NEK9: variants seen among roughly 807,000 people sequenced by gnomAD.
NEK9 encodes the protein serine/threonine-protein kinase Nek9.
In NEK9, 75 loss-of-function variants were observed where a neutral mutation model predicts 123.4. The observed-to-expected ratio is 0.61, with a 90% CI of 0.50 to 0.74. NEK9 has a LOEUF of 0.74. Among genes scored for constraint, NEK9 ranks in the 30% least tolerant of loss-of-function variants. The pLI is 0.00. For missense variants in NEK9, 952 were observed against 1,214.4 expected, an observed-to-expected ratio of 0.78 and a Z score of 3.21; for synonymous variants, 438 against 458.7, an observed-to-expected ratio of 0.95 and a Z score of 0.58.
intron 12 of NEK9, 41 bp from the exon 13 acceptor site, chr14:75,106,037 T>C: frequency 1.3e-6 from 2 of 1,560,436 alleles, no homozygotes; most frequent in Non-Finnish European, 1.8e-6. Flanking sequence ...TAATGAGGGC[T>C]TCCTTCCCAG....
intron 18 of NEK9, among the ~76,000 whole-genome samples, chr14:75,092,846 T>C (rs1474355679): frequency 6.6e-6 from 1 of 152,172 alleles, no homozygotes; most frequent in Non-Finnish European, 1.5e-5. Flanking sequence ...TGCCTGGTAT[T>C]TTCTGAGGCT....
chr14:75,091,719 CTTTG>C lies in NEK9; in HGVS notation c.2234-245_2234-242del, dbSNP rs543452490. 5.4e-4 allele frequency: 218 copies of C among 405,224 alleles called. 4 individuals are homozygous for C. The South Asian group carries it at 0.01, about 19-fold the overall frequency. 25.1% of individuals were successfully genotyped at this position (405,224 alleles called of 1,614,324 possible). ...ATGATAATTCACTTCCATTTACCAA[CTTTG>C]TTTATCTTGTATCCATAGCAGGTTA... On this transcript the variant is annotated intron_variant, in intron 18 of 21. Coordinates refer to ENST00000238616, the MANE Select transcript of NEK9 (RefSeq NM_033116.6).
chr14:75,101,758 T>A lies in NEK9; in HGVS notation c.1739A>T (p.His580Leu), dbSNP rs140694625. The change falls in exon 15 of 22, where the codon CAT (histidine) becomes CTT (leucine). Residue 580 changes from histidine (H) to leucine (L), a missense_variant. His to Leu is a moderately conservative substitution (Grantham distance 99). Around this residue, in one of 4 missense-constraint regions of NEK9, gnomAD observed 698 missense variants for 875.6 expected, o/e 0.80. Coordinates refer to ENST00000238616, the MANE Select transcript of NEK9 (RefSeq NM_033116.6). ...MSGIINHEAY[H>L]EVPYTTSFTL... The stretch of plus-strand genomic sequence containing the variant: ...AAAGGACGTTGTGTAGGGAACTTCA[T>A]GGTATGCCTGAAACAAAATAAAACA... The A allele has an allele frequency of 3.7e-5, 60 of 1,608,920 alleles. No homozygotes were observed. The Admixed American group carries it at 6.0e-4, about 16-fold the overall frequency.
At chr14:75,094,349 G>C (rs1156716679) in intron 18 of NEK9, among the ~76,000 whole-genome samples, 1 of 152,182 alleles carries the variant, frequency 6.6e-6, no homozygotes, top group African/African-American at 2.4e-5. Flanking sequence ...GCTATTCATA[G>C]GCATGATGAT....
In NEK9 at chr14:75,081,411, G is replaced by C. The variant is rs1365513078; in HGVS notation, c.*3153C>G. On this transcript the variant is annotated 3_prime_UTR_variant, in exon 22 of 22. Transcript: ENST00000238616. The surrounding 1 kb of genome is among the most constrained non-coding windows in gnomAD (Gnocchi z 4.2). ...TGTTCATCATTCTGTGAGGTTTAAT[G>C]ATCAGCGTGTTTATTTCCACAGTTA... 1 of 152,192 alleles carries C rather than the reference G, an allele frequency of 6.6e-6. No individual in the cohort carries two copies. Among genetic ancestry groups the C allele is most frequent in the Admixed American group, 6.5e-5 (1 of 15,286 alleles). 9.4% of individuals were successfully genotyped at this position (152,192 alleles called of 1,614,324 possible). A position where few individuals can be genotyped will look rare whatever the true frequency, so the allele number is the denominator to read the frequency against.
chr14:75,092,324 T>C (rs942191064), intron 18 of NEK9, among the ~76,000 whole-genome samples: 1 of 149,602 alleles, frequency 6.7e-6, no homozygotes, highest in African/African-American at 2.5e-5. Context: ...TAGAGTGCAG[T>C]GGCACGATCT....
intron 16 of NEK9, among the ~76,000 whole-genome samples, chr14:75,100,086 G>A (rs770406270): frequency 1.6e-5 from 2 of 121,834 alleles, no homozygotes; most frequent in Admixed American, 1.1e-4. Flanking sequence ...CCAAGATCGC[G>A]CCATTGTACT....
rs199634526 is a variant in NEK9 at position 75,084,626 on chromosome 14, G to C, written c.2878C>G (p.Pro960Ala). ...CACCAGGAATCTGAATCTAAGTCAG[G>C]CTTTGGATCCATTTCCATCTCTTCC... ...AKEEMEMDPKPDLDSDSWCLL... is the reference protein window; with the variant it reads ...AKEEMEMDPKADLDSDSWCLL... Residue 960 changes from proline (P) to alanine (A), a missense_variant, in exon 22 of 22, where the codon CCT becomes GCT. Transcript: ENST00000238616. 12 of 1,614,164 alleles carry C rather than the reference G, an allele frequency of 7.4e-6. No individual in the cohort carries two copies. The highest frequency in any genetic ancestry group is 1.3e-5 in the African/African-American group (1 of 75,054).
intron 10 of NEK9, 61 bp downstream of exon 10, chr14:75,109,624 C>T (rs1033865575): frequency 1.0e-5 from 15 of 1,470,468 alleles, no homozygotes; most frequent in African/African-American, 8.5e-5. Context: ...GCTTAGACAT[C>T]GTGGGCCCAG....
intron 10 of NEK9, among the ~76,000 whole-genome samples, 189 bp downstream of exon 10, chr14:75,109,496 T>C (rs1894888946): frequency 6.6e-6 from 1 of 152,216 alleles, no homozygotes; most frequent in Non-Finnish European, 1.5e-5. Context: ...TGACCTAATA[T>C]GTACCAGCCC....
intron 14 of NEK9, among the ~76,000 whole-genome samples, chr14:75,102,880 C>A (rs175470): frequency 0.46 from 69,598 of 151,956 alleles, 17,021 homozygotes; most frequent in East Asian, 0.84. Flanking sequence ...AGGATGAGTT[C>A]ATGTCCTTTG....
chr14:75,118,833 C>T lies in NEK9; in HGVS notation c.627G>A (p.Glu209=). The T allele has an allele frequency of 6.4e-7, 1 of 1,566,558 alleles. No individual in the cohort carries two copies. Among genetic ancestry groups the T allele is most frequent in the Non-Finnish European group, 8.8e-7 (1 of 1,136,818 alleles). The change falls in exon 5 of 22, where the codon GAG becomes GAA. Residue 209 remains glutamate, a synonymous_variant. Coordinates refer to ENST00000238616, the MANE Select transcript of NEK9 (RefSeq NM_033116.6). ...TTAAGACAAGGGCAACACATACCGTCTCAGCCATGGAATACTCAGAATTAA... is the reference window on the plus strand; with the variant it reads ...TTAAGACAAGGGCAACACATACCGTTTCAGCCATGGAATACTCAGAATTAA... ...KKLNSEYSMA[E]TLVGTPYYMS...
At position 75,106,367 on chromosome 14, in the gene NEK9, A is replaced by G; in HGVS notation, c.1528+135T>C. 3 of 598,338 alleles carry G rather than the reference A, an allele frequency of 5.0e-6. No homozygotes were observed. The Admixed American group carries it at 9.8e-5, about 20-fold the overall frequency. The allele number at this position is 598,338 out of a possible 1,614,324, so 37.1% of individuals were successfully genotyped here. A position where few individuals can be genotyped will look rare whatever the true frequency, so the allele number is the denominator to read the frequency against. ...GAGAGAGACTCTGTCTCGAGAAAAA[A>G]AAAAAAAAAAAAAAAAAAGATTTAC... On this transcript the variant is annotated intron_variant, in intron 12 of 21. Transcript: ENST00000238616.
At chr14:75,087,260 G>GTTC in intron 20 of NEK9, 30 bp from the exon 21 acceptor site, 1 of 1,563,272 alleles carries the variant, frequency 6.4e-7, no homozygotes, top group Non-Finnish European at 8.8e-7. Context: ...ATTGCAGGAG[G>GTTC]TTCTGCCCAG....
Position 75,084,447 on chromosome 14 carries a change from C to T in NEK9, c.*117G>A, listed in dbSNP as rs1469608076. The stretch of plus-strand genomic sequence containing the variant: ...CAAGGAAAGTGCTTCAGAGCCTCTG[C>T]CTTGCGCTCCTTTTCTGCAAGTGAA... On this transcript the variant is annotated 3_prime_UTR_variant, in exon 22 of 22. Coordinates refer to ENST00000238616, the MANE Select transcript of NEK9 (RefSeq NM_033116.6). 1 of 1,241,568 alleles carries T rather than the reference C, an allele frequency of 8.1e-7. No homozygotes were observed. The highest frequency in any genetic ancestry group is 2.3e-5 in the East Asian group (1 of 42,770). 76.9% of individuals were successfully genotyped at this position (1,241,568 alleles called of 1,614,324 possible).
Position 75,081,186 on chromosome 14 carries a change from C to T in NEK9, c.*3378G>A, listed in dbSNP as rs995731109. 3 of 140,034 alleles carry T rather than the reference C, an allele frequency of 2.1e-5. No homozygotes were observed. The highest frequency in any genetic ancestry group is 7.1e-5 in the Admixed American group (1 of 14,068). 8.7% of individuals were successfully genotyped at this position (140,034 alleles called of 1,614,324 possible). A position where few individuals can be genotyped will look rare whatever the true frequency, so the allele number is the denominator to read the frequency against. ...GTCTCGATCTCCTGACCTCGTGATC[C>T]GCCCGCCTCGGCCTCCCAAAGTGCT... On this transcript the variant is annotated 3_prime_UTR_variant, in exon 22 of 22. Transcript: ENST00000238616. The surrounding 1 kb of genome is among the most constrained non-coding windows in gnomAD (Gnocchi z 4.2).
chr14:75,126,138 T>C (rs1429566729), intron 1 of NEK9, among the ~76,000 whole-genome samples: 1 of 152,120 alleles, frequency 6.6e-6, no homozygotes, highest in Non-Finnish European at 1.5e-5. Flanking sequence ...AGATAAACAC[T>C]GATAAAGAAC....
At chr14:75,106,868 CAG>C (rs568820035) in intron 11 of NEK9, among the ~76,000 whole-genome samples, 166 bp from the exon 12 acceptor site, 2 of 152,134 alleles carry the variant, frequency 1.3e-5, no homozygotes, top group Non-Finnish European at 2.9e-5. Flanking sequence ...AGTTCTATGT[CAG>C]AGAGTCATGT....
In NEK9 at chr14:75,087,265, G is replaced by T. The variant is rs150620460; in HGVS notation, c.2605-35C>A. 2,048 of 1,546,622 alleles carry T rather than the reference G, an allele frequency of 1.3e-3. 22 individuals are homozygous for T. The highest frequency in any genetic ancestry group is 2.4e-4 in the Non-Finnish European group (270 of 1,128,434). ...CAAGAAGGAGATTGCAGGAGGTTCT[G>T]CCCAGGTGTCATAGCTCCTCAATCC... On this transcript the variant is annotated intron_variant, in intron 20 of 21. Coordinates refer to ENST00000238616, the MANE Select transcript of NEK9 (RefSeq NM_033116.6).
Sources: allele counts gnomAD v4.1 joint callset (sites outside exome capture counted in the v4.1 genomes callset), GRCh38; gene constraint gnomAD v4.1.1; regional missense constraint gnomAD v4.1.1; non-coding constraint Gnocchi (gnomAD v3.1); transcripts MANE v1.5; gene names NCBI Gene and HGNC (gene_info 2026-07-23, HGNC 2026-07-21).